Variants in FOXP2 observed in about 807,000 individuals in gnomAD.
The protein encoded by FOXP2 is forkhead box protein P2.
In FOXP2, 12 loss-of-function variants were observed where a neutral mutation model predicts 115.8. That is an observed-to-expected ratio of 0.10 (90% CI 0.07 to 0.17). FOXP2 has a LOEUF of 0.17. FOXP2 is among the 10% of genes least tolerant of loss of function. FOXP2 has a pLI of 1.00. For missense variants in FOXP2, 629 were observed against 843.5 expected (o/e 0.75, Z 3.15); for synonymous variants, 328 against 297.7 (o/e 1.10, Z -1.05).
exon 1 of FOXP2, chr7:114,163,052 A>G (rs546617563): frequency 6.6e-6 from 1 of 152,284 alleles, no homozygotes; most frequent in Admixed American, 6.5e-5. Context: ...AGATTCCTCA[A>G]TCCTGAGAGA....
intron 1 of FOXP2, among the ~76,000 whole-genome samples, chr7:114,208,497 G>A (rs1487878615): frequency 6.6e-6 from 1 of 152,158 alleles, no homozygotes; most frequent in Non-Finnish European, 1.5e-5. Context: ...GCTGAAATGA[G>A]TTAAGACTTT....
intron 2 of FOXP2, among the ~76,000 whole-genome samples, chr7:114,432,562 T>A (rs1584728196): frequency 6.6e-6 from 1 of 152,112 alleles, no homozygotes; most frequent in East Asian, 1.9e-4. Flanking sequence ...TTTTTTAATA[T>A]TTGGTTAAAG....
chr7:114,681,219 A>G (rs1808067967), intron 16 of FOXP2, among the ~76,000 whole-genome samples: 1 of 152,158 alleles, frequency 6.6e-6, no homozygotes, highest in African/African-American at 2.4e-5. Context: ...AATAGGAGAT[A>G]ATGTTAATAT....
chr7:114,611,884 T>TA (rs1803648112), intron 3 of FOXP2, among the ~76,000 whole-genome samples: 1 of 152,010 alleles, frequency 6.6e-6, no homozygotes, highest in African/African-American at 2.4e-5. Flanking sequence ...AGATAAAAGT[T>TA]AAGAGAGTGG....
At chr7:114,661,439 T>G (rs1178567082) in intron 13 of FOXP2, among the ~76,000 whole-genome samples, 3 of 152,032 alleles carry the variant, frequency 2.0e-5, no homozygotes, top group Admixed American at 6.6e-5. Context: ...AGCAACGACT[T>G]TCAGTTGAGT....
At chr7:114,540,838 T>C (rs566291747) in intron 3 of FOXP2, among the ~76,000 whole-genome samples, 2 of 152,178 alleles carry the variant, frequency 1.3e-5, no homozygotes, top group East Asian at 1.9e-4. Flanking sequence ...TTGATCAGCC[T>C]AGAGATATCA....
At chr7:114,300,967 C>T (rs1184375117) in intron 2 of FOXP2, among the ~76,000 whole-genome samples, 2 of 151,962 alleles carry the variant, frequency 1.3e-5, no homozygotes, top group African/African-American at 4.8e-5. Context: ...TTTGCACAAC[C>T]ATGTTTTAAT....
At chr7:114,333,919 T>C (rs1447285779) in intron 2 of FOXP2, among the ~76,000 whole-genome samples, 2 of 151,888 alleles carry the variant, frequency 1.3e-5, no homozygotes, top group Middle Eastern at 3.2e-3. Context: ...ACATTTATAC[T>C]TGGTGCGGAA....
intron 2 of FOXP2, among the ~76,000 whole-genome samples, chr7:114,365,251 A>T (rs1791849677): frequency 1.3e-5 from 2 of 152,146 alleles, no homozygotes; most frequent in African/African-American, 4.8e-5. Flanking sequence ...GCATAATTGT[A>T]TACATTCTAT....
At chr7:114,619,106 A>G (rs1804101030) in intron 3 of FOXP2, among the ~76,000 whole-genome samples, 1 of 152,202 alleles carries the variant, frequency 6.6e-6, no homozygotes, top group African/African-American at 2.4e-5. Flanking sequence ...TCAAAGTCTA[A>G]CACTGCAACC....
At chr7:114,363,329 G>A (rs1232506731) in intron 2 of FOXP2, among the ~76,000 whole-genome samples, 1 of 152,038 alleles carries the variant, frequency 6.6e-6, no homozygotes, top group Non-Finnish European at 1.5e-5. Context: ...GAAGCTCAGG[G>A]TTGTGAATAA....
chr7:114,253,987 G>A (rs1795526038), intron 1 of FOXP2, among the ~76,000 whole-genome samples: 1 of 152,180 alleles, frequency 6.6e-6, no homozygotes, highest in Non-Finnish European at 1.5e-5. Flanking sequence ...GGGCAGGCCT[G>A]ATGGTGACAA....
At chr7:114,378,863 A>G (rs546674236) in intron 2 of FOXP2, among the ~76,000 whole-genome samples, 2 of 149,760 alleles carry the variant, frequency 1.3e-5, no homozygotes, top group East Asian at 3.9e-4. Context: ...TTCTTTAGAT[A>G]AGCGTTTCTA....
At chr7:114,165,954 C>A (rs994962895) in intron 1 of FOXP2, among the ~76,000 whole-genome samples, 1 of 152,076 alleles carries the variant, frequency 6.6e-6, no homozygotes, top group African/African-American at 2.4e-5. Context: ...GAAATGGACC[C>A]ACACAAATAT....
chr7:114,341,702 A>C (rs1300969070), intron 2 of FOXP2, among the ~76,000 whole-genome samples: 2 of 151,112 alleles, frequency 1.3e-5, no homozygotes, highest in Admixed American at 6.6e-5. Context: ...TCTAGGTCTC[A>C]TTTTTTTCTT....
At chr7:114,138,029 C>A (rs937816140) in intron 1 of FOXP2, among the ~76,000 whole-genome samples, 1 of 151,886 alleles carries the variant, frequency 6.6e-6, no homozygotes, top group Non-Finnish European at 1.5e-5. Flanking sequence ...GTTGTAATGC[C>A]AGAAAATAAG....
chr7:114,671,101 CTA>C (rs1807464475), intron 16 of FOXP2, among the ~76,000 whole-genome samples: 1 of 151,864 alleles, frequency 6.6e-6, no homozygotes, highest in African/African-American at 2.4e-5. Context: ...TATTTAATCT[CTA>C]AACTTTTTGA....
At chr7:114,277,052 A>G (rs1003221849) in intron 1 of FOXP2, among the ~76,000 whole-genome samples, 2 of 152,096 alleles carry the variant, frequency 1.3e-5, no homozygotes, top group African/African-American at 4.8e-5. Context: ...TTTCTCCTCT[A>G]TCATAGGAGC....
intron 1 of FOXP2, among the ~76,000 whole-genome samples, chr7:114,106,242 A>G (rs1203091221): frequency 1.3e-5 from 2 of 152,056 alleles, no homozygotes; most frequent in East Asian, 1.9e-4. Context: ...GTATTTTTAT[A>G]TGAATTTAAA....
Sources: gnomAD v4.1 joint callset for allele counts (sites outside exome capture counted in the v4.1 genomes callset) on GRCh38, gnomAD v4.1.1 for gene constraint, MANE v1.5 for transcripts, NCBI Gene and HGNC (gene_info 2026-07-23, HGNC 2026-07-21) for gene names.